Variants in RTN4 observed in about 807,000 individuals in gnomAD.
RTN4 encodes reticulon-4.
In RTN4, 32 loss-of-function variants were observed where a neutral mutation model predicts 90.4. The observed-to-expected ratio is 0.35, with a 90% confidence interval of 0.27 to 0.48. RTN4 has a LOEUF of 0.48. Among genes scored for constraint, RTN4 ranks in the 20% least tolerant of loss-of-function variants. The pLI is 0.99. For synonymous variants in RTN4, 629 were observed against 552.5 expected, an observed-to-expected ratio of 1.14 and a Z score of -1.94; for missense variants, 1,706 against 1,430.2, an observed-to-expected ratio of 1.19 and a Z score of -3.11.
the RTN4 span, among the ~76,000 whole-genome samples, chr2:55,133,080 G>A: frequency 6.6e-6 from 1 of 151,818 alleles, no homozygotes; most frequent in Non-Finnish European, 1.5e-5. Context: ...GTGTGCTGGT[G>A]GGTGCCTGTA....
chr2:55,008,059 G>A lies in RTN4; in HGVS notation c.3013+17027C>T, dbSNP rs551381899. Reference sequence around the variant, plus strand: ...CATAAGTATCCTAAACAGAAAATATGAAGAATATATAAAAGAATGCAAATT... The same window carrying A: ...CATAAGTATCCTAAACAGAAAATATAAAGAATATATAAAAGAATGCAAATT... On this transcript the variant is annotated intron_variant, in intron 3 of 8. Transcript: ENST00000337526. 4.6e-5 allele frequency among the ~76,000 whole-genome samples: 7 copies of A among 151,212 alleles called. No individual in the cohort carries two copies. The East Asian group carries it at 1.2e-3, about 25-fold the overall frequency.
intron 4 of RTN4, among the ~76,000 whole-genome samples, chr2:54,985,329 T>G (rs1462070289): frequency 6.6e-6 from 1 of 151,978 alleles, no homozygotes; most frequent in Non-Finnish European, 1.5e-5. Flanking sequence ...CTGGCTAATT[T>G]TTAATTTTTT....
In RTN4 at chr2:55,039,515, G is replaced by A. The variant is rs577063643; in HGVS notation, c.556+10230C>T. On this transcript the variant is annotated intron_variant, in intron 1 of 8. Coordinates refer to ENST00000337526, the MANE Select transcript of RTN4 (RefSeq NM_020532.5). ...AATAATAGTCAATGTGAGGCCAGGC[G>A]CGCTCGCTCACACCAGCACTTTGGG... Among the ~76,000 whole-genome samples the A allele has an allele frequency of 4.6e-4, 70 of 152,298 alleles. 2 individuals are homozygous for A. Among genetic ancestry groups the A allele is most frequent in the South Asian group, 4.3e-3 (21 of 4,828 alleles).
At chr2:55,031,543 G>C (rs1291992064) in intron 1 of RTN4, among the ~76,000 whole-genome samples, 1 of 152,228 alleles carries the variant, frequency 6.6e-6, no homozygotes, top group Non-Finnish European at 1.5e-5. Flanking sequence ...ACCTATGGTA[G>C]AGCTGCAAAT....
upstream of RTN4, among the ~76,000 whole-genome samples, chr2:55,113,337 G>T (rs1181415190): frequency 3.3e-5 from 5 of 152,178 alleles, no homozygotes; most frequent in Non-Finnish European, 7.3e-5. Flanking sequence ...TCTACAGACT[G>T]GGGCATGTTC....
At chr2:55,008,953 T>C (rs555922183) in intron 3 of RTN4, among the ~76,000 whole-genome samples, 6 of 152,318 alleles carry the variant, frequency 3.9e-5, no homozygotes, top group Admixed American at 2.6e-4. Context: ...AATTCACATG[T>C]AAAGAAATCC....
At chr2:55,032,026 C>A (rs1046863307) in intron 1 of RTN4, among the ~76,000 whole-genome samples, 1 of 151,750 alleles carries the variant, frequency 6.6e-6, no homozygotes, top group African/African-American at 2.4e-5. Context: ...GAAAATATGA[C>A]CATAAATAAG....
At position 54,973,428 on chromosome 2, in the gene RTN4, C is replaced by G. The variant is rs562221915; in HGVS notation, c.3536+135G>C. 4 of 789,412 alleles carry G rather than the reference C, an allele frequency of 5.1e-6. No individual in the cohort carries two copies. In the Middle Eastern group the frequency reaches 9.3e-4, roughly 184 times the overall value. 48.9% of individuals were successfully genotyped at this position (789,412 alleles called of 1,614,324 possible). A position where few individuals can be genotyped will look rare whatever the true frequency, so the allele number is the denominator to read the frequency against. On this transcript the variant is annotated intron_variant, in intron 8 of 8. Coordinates refer to ENST00000337526, the MANE Select transcript of RTN4 (RefSeq NM_020532.5). ...ATGGTCCAAATGTTAGAAAAACAAT[C>G]TTTTGGCAACTCTGAAGTCACACTT...
chr2:55,007,235 G>A (rs1006998002), intron 3 of RTN4, among the ~76,000 whole-genome samples: 1 of 151,766 alleles, frequency 6.6e-6, no homozygotes. Flanking sequence ...CAAATCTGCC[G>A]CTTCTTCTTC....
intron 3 of RTN4, among the ~76,000 whole-genome samples, chr2:55,010,818 A>G (rs948084361): frequency 3.9e-5 from 6 of 152,256 alleles, no homozygotes; most frequent in Middle Eastern, 3.4e-3. Context: ...AATCTTCCTA[A>G]TATCTTTTTT....
intron 3 of RTN4, among the ~76,000 whole-genome samples, chr2:54,989,373 T>G (rs567566785): frequency 6.6e-6 from 1 of 152,222 alleles, no homozygotes; most frequent in Non-Finnish European, 1.5e-5. Flanking sequence ...ATTCCCAAAC[T>G]TGTTTGTTAC....
chr2:54,993,954 G>T (rs1679222567), intron 3 of RTN4, among the ~76,000 whole-genome samples: 1 of 152,120 alleles, frequency 6.6e-6, no homozygotes, highest in Non-Finnish European at 1.5e-5. Flanking sequence ...GAAGCTGCAA[G>T]AATGAAAAAA....
In RTN4 at chr2:55,013,387, A is replaced by G. The variant is rs571000865; in HGVS notation, c.3013+11699T>C. Among the ~76,000 whole-genome samples the G allele has an allele frequency of 7.8e-4, 118 of 152,240 alleles. 1 individual carries two copies. The highest frequency in any genetic ancestry group is 2.7e-3 in the African/African-American group (114 of 41,552). ...TGAAAACTTGCCCAAATACATATCC[A>G]TAATGTCTTTCCTTTGCATCTTATG... On this transcript the variant is annotated intron_variant, in intron 3 of 8. Coordinates refer to ENST00000337526, the MANE Select transcript of RTN4 (RefSeq NM_020532.5).
At chr2:55,120,508 C>G in the RTN4 span, among the ~76,000 whole-genome samples, 4 of 152,034 alleles carry the variant, frequency 2.6e-5, no homozygotes, top group Admixed American at 6.5e-5. Context: ...TGCTTGTCCC[C>G]TTTCAACTGC....
At chr2:55,115,439 A>G (rs11889466), upstream of RTN4, among the ~76,000 whole-genome samples, 4,864 of 152,230 alleles carry the variant, frequency 0.032, 245 homozygotes, top group African/African-American at 0.11. Flanking sequence ...CCGTGATTAC[A>G]CTGGGCCCAT....
intron 1 of RTN4, among the ~76,000 whole-genome samples, chr2:55,033,426 C>T (rs58482670): frequency 1.3e-5 from 2 of 152,254 alleles, no homozygotes; most frequent in South Asian, 4.1e-4. Context: ...TCCATACTTG[C>T]AGCACTTTCA....
chr2:54,984,918 C>T (rs1167256925), intron 4 of RTN4, among the ~76,000 whole-genome samples: 4 of 151,940 alleles, frequency 2.6e-5, no homozygotes, highest in African/African-American at 7.3e-5. Context: ...CTAGCCTGGG[C>T]GACACAGTGA....
intron 2 of RTN4, among the ~76,000 whole-genome samples, chr2:55,067,180 G>A (rs566098508): frequency 3.5e-4 from 54 of 152,216 alleles, no homozygotes; most frequent in Admixed American, 9.2e-4. Flanking sequence ...GCTCTCTGAC[G>A]TAAAATAAGC....
chr2:55,097,745 T>C (rs1327852678), intron 1 of RTN4, among the ~76,000 whole-genome samples: 4 of 152,080 alleles, frequency 2.6e-5, no homozygotes, highest in Non-Finnish European at 5.9e-5. Context: ...ATGTTGACTT[T>C]GAAGTGAAAT....
Sources: allele counts gnomAD v4.1 joint callset (sites outside exome capture counted in the v4.1 genomes callset), GRCh38; gene constraint gnomAD v4.1.1; transcripts MANE v1.5; gene names NCBI Gene and HGNC (gene_info 2026-07-23, HGNC 2026-07-21).